The following DPP10 variants were observed in gnomAD, a reference collection of about 807,000 sequenced individuals.
DPP10 encodes the protein inactive dipeptidyl peptidase 10.
Under a neutral mutation model 120.9 loss-of-function variants are expected in DPP10, and 33 were observed. The ratio of observed to expected loss-of-function variants is 0.27; its 90% CI spans 0.21 to 0.37. The LOEUF is 0.37. Ranked by LOEUF, DPP10 falls within the 10% of genes least tolerant of loss-of-function variation. The pLI is 1.00. For missense variants in DPP10, 816 were observed against 942.8 expected, an observed-to-expected ratio of 0.87 and a Z score of 1.76; for synonymous variants, 337 against 326.1, an observed-to-expected ratio of 1.03 and a Z score of -0.36.
chr2:115,325,679 A>C (rs538631808), intron 2 of DPP10, among the ~76,000 whole-genome samples: 2 of 152,110 alleles, frequency 1.3e-5, no homozygotes, highest in Non-Finnish European at 2.9e-5. Context: ...ATAATAAAAC[A>C]ATTACATATA....
At chr2:115,195,462 G>T (rs1454110802) in intron 1 of DPP10, among the ~76,000 whole-genome samples, 1 of 152,120 alleles carries the variant, frequency 6.6e-6, no homozygotes, top group Non-Finnish European at 1.5e-5. Context: ...CCTTGAGCTT[G>T]TGCTTCAAAA....
intron 1 of DPP10, among the ~76,000 whole-genome samples, chr2:114,751,727 A>G (rs566459697): frequency 1.2e-3 from 180 of 152,272 alleles, no homozygotes; most frequent in African/African-American, 4.0e-3. Context: ...CCAGGTTTCA[A>G]TCTATTTCCT....
At position 114,892,683 on chromosome 2, in the gene DPP10, G is replaced by A. The variant is rs551736148; in HGVS notation, c.61-416556G>A. 7.9e-5 allele frequency among the ~76,000 whole-genome samples: 12 copies of A among 152,262 alleles called. No individual in the cohort carries two copies. In the East Asian group the frequency reaches 1.5e-3, roughly 20 times the overall value. ...TTCTCCTACGGAACCTCAGGTCTTC[G>A]TGCAGATAAGCCCTGTACATTGCCT... On this transcript the variant is annotated intron_variant, in intron 1 of 25. Coordinates refer to ENST00000410059, the MANE Select transcript of DPP10 (RefSeq NM_020868.6).
intron 1 of DPP10, among the ~76,000 whole-genome samples, chr2:115,202,699 T>C (rs1389876075): frequency 6.6e-6 from 1 of 152,182 alleles, no homozygotes; most frequent in Non-Finnish European, 1.5e-5. Flanking sequence ...CTGTGATGAG[T>C]AAATGTTTTA....
At chr2:115,144,777 G>A (rs1474610882) in intron 1 of DPP10, 1 of 151,356 alleles carries the variant, frequency 6.6e-6, no homozygotes, top group Non-Finnish European at 1.5e-5. Flanking sequence ...TAACTAACCT[G>A]CACATTGTGC....
chr2:114,584,566 C>T (rs534964264), intron 1 of DPP10, among the ~76,000 whole-genome samples: 1 of 119,112 alleles, frequency 8.4e-6, no homozygotes, highest in African/African-American at 3.3e-5. Context: ...CCACAACAGG[C>T]CCCAGAGTGT....
chr2:114,955,498 C>T (rs1479137577), intron 1 of DPP10, among the ~76,000 whole-genome samples: 2 of 152,174 alleles, frequency 1.3e-5, no homozygotes, highest in South Asian at 2.1e-4. Context: ...AGCTTCACAG[C>T]CGAATTCTAC....
chr2:115,014,342 A>C (rs114127084), intron 1 of DPP10, among the ~76,000 whole-genome samples: 2 of 152,134 alleles, frequency 1.3e-5, no homozygotes, highest in South Asian at 4.1e-4. Context: ...CAAAGCTAAA[A>C]CATAGTTTAG....
chr2:115,750,505 G>A (rs1678567433), intron 10 of DPP10, among the ~76,000 whole-genome samples: 1 of 152,154 alleles, frequency 6.6e-6, no homozygotes, highest in Non-Finnish European at 1.5e-5. Context: ...TGTTTACCAT[G>A]TGCAAGGTCA....
At chr2:114,714,071 TTGTGTG>T (rs59076753) in intron 1 of DPP10, among the ~76,000 whole-genome samples, 8,090 of 147,296 alleles carry the variant, frequency 0.055, 267 homozygotes, top group African/African-American at 0.094. Context: ...GGATTTGTGT[TTGTGTG>T]TGTGTGTGTG....
chr2:114,463,256 AATG>A (rs1237442596), intron 1 of DPP10: 3 of 152,176 alleles, frequency 2.0e-5, no homozygotes, highest in African/African-American at 7.2e-5. Flanking sequence ...ATGAGTTCAC[AATG>A]ATGTTTCCTA....
At chr2:115,514,324 AG>A (rs2077388077) in intron 4 of DPP10, among the ~76,000 whole-genome samples, 1 of 151,620 alleles carries the variant, frequency 6.6e-6, no homozygotes, top group Admixed American at 6.6e-5. Flanking sequence ...CAAATCGAGA[AG>A]GTTGGAGTCA....
intron 1 of DPP10, among the ~76,000 whole-genome samples, chr2:114,792,449 A>T (rs1216537752): frequency 6.6e-6 from 1 of 152,230 alleles, no homozygotes; most frequent in East Asian, 1.9e-4. Flanking sequence ...TAAGAGGGAA[A>T]TAAGTAGAAC....
At chr2:114,699,434 AG>A (rs1303294221) in intron 1 of DPP10, among the ~76,000 whole-genome samples, 1 of 152,196 alleles carries the variant, frequency 6.6e-6, no homozygotes, top group East Asian at 1.9e-4. Context: ...CTCCACAGTG[AG>A]GCCTTTGGGG....
chr2:114,671,216 T>G (rs2105635105), intron 1 of DPP10, among the ~76,000 whole-genome samples: 1 of 152,266 alleles, frequency 6.6e-6, no homozygotes, highest in South Asian at 2.1e-4. Flanking sequence ...GACTAAAGAC[T>G]TAGGAGGCTA....
At chr2:115,706,662 G>A (rs2092121350) in intron 7 of DPP10, among the ~76,000 whole-genome samples, 1 of 151,956 alleles carries the variant, frequency 6.6e-6, no homozygotes, top group African/African-American at 2.4e-5. Context: ...TTAACCTAGA[G>A]TGATATGTCA....
chr2:115,179,306 A>T (rs1326200880), intron 1 of DPP10, among the ~76,000 whole-genome samples: 4 of 152,120 alleles, frequency 2.6e-5, no homozygotes, highest in African/African-American at 9.7e-5. Context: ...GGATGTTTGA[A>T]TGACACTGTG....
intron 1 of DPP10, among the ~76,000 whole-genome samples, chr2:114,745,796 G>A (rs2106009156): frequency 6.6e-6 from 1 of 152,244 alleles, no homozygotes; most frequent in South Asian, 2.1e-4. Context: ...ACAAGAACTG[G>A]CAAAAGTTGG....
chr2:115,261,509 T>C (rs2105752383), intron 1 of DPP10, among the ~76,000 whole-genome samples: 1 of 152,342 alleles, frequency 6.6e-6, no homozygotes, highest in South Asian at 2.1e-4. Context: ...TCCCAAGACT[T>C]TCTATAATCC....
Sources: allele counts gnomAD v4.1 joint callset (sites outside exome capture counted in the v4.1 genomes callset), GRCh38; gene constraint gnomAD v4.1.1; transcripts MANE v1.5; gene names NCBI Gene and HGNC (gene_info 2026-07-23, HGNC 2026-07-21).